Variants in SLC39A11 observed in about 807,000 individuals in gnomAD.
The protein encoded by SLC39A11 is zinc transporter ZIP11.
SLC39A11 carries 33 observed loss-of-function variants against 36.1 expected under a neutral mutation model. The ratio of observed to expected loss-of-function variants is 0.91; its 90% CI spans 0.69 to 1.22. The LOEUF (loss-of-function observed/expected upper bound fraction) is 1.22. Ranked by LOEUF, SLC39A11 falls within the 50% of genes most tolerant of loss-of-function variation. The pLI is 0.00. For synonymous variants in SLC39A11, 166 were observed against 170.3 expected, an observed-to-expected ratio of 0.97 and a Z score of 0.20; for missense variants, 432 against 430.3, an observed-to-expected ratio of 1.00 and a Z score of -0.03.
intron 5 of SLC39A11, among the ~76,000 whole-genome samples, chr17:72,867,755 C>T (rs768233180): frequency 1.6e-4 from 12 of 76,930 alleles, no homozygotes; most frequent in Admixed American, 4.8e-4. Flanking sequence ...GAATGAAGTG[C>T]GCGCGCACAC....
At chr17:72,729,453 A>ATTTTT (rs2074121143) in intron 7 of SLC39A11, among the ~76,000 whole-genome samples, 1 of 6,578 alleles carries the variant, frequency 1.5e-4, no homozygotes, top group Non-Finnish European at 3.0e-4. Context: ...ATATATATAT[A>ATTTTT]TATATTTTTT....
At chr17:72,739,044 C>G (rs998594055) in intron 6 of SLC39A11, among the ~76,000 whole-genome samples, 7 of 152,162 alleles carry the variant, frequency 4.6e-5, no homozygotes, top group African/African-American at 1.7e-4. Flanking sequence ...TTTTTTTTGC[C>G]TAATTTTACC....
rs1330720073 is a variant in SLC39A11, at chr17:72,671,509, T to A, written c.672-22241A>T. Among the ~76,000 whole-genome samples the A allele has an allele frequency of 4.6e-5, 7 of 152,154 alleles. 1 individual carries two copies. The East Asian group carries it at 1.3e-3, about 29-fold the overall frequency. Reference sequence around the variant, plus strand: ...GCCAAGGCAGGTGGATCATCTGAGGTCAGGAGTTCGAGACCAGCCTGGCCA... The same window carrying A: ...GCCAAGGCAGGTGGATCATCTGAGGACAGGAGTTCGAGACCAGCCTGGCCA... On this transcript the variant is annotated intron_variant, in intron 7 of 9. Coordinates refer to ENST00000255559, the MANE Select transcript of SLC39A11 (RefSeq NM_139177.4).
intron 7 of SLC39A11, among the ~76,000 whole-genome samples, chr17:72,682,285 C>G (rs968647725): frequency 1.3e-5 from 2 of 149,510 alleles, no homozygotes; most frequent in East Asian, 2.0e-4. Flanking sequence ...TGAATCATCC[C>G]GAAACCATCC....
intron 5 of SLC39A11, among the ~76,000 whole-genome samples, chr17:72,881,020 T>G (rs2081175823): frequency 1.9e-5 from 1 of 52,984 alleles, no homozygotes; most frequent in African/African-American, 2.6e-4. Flanking sequence ...TAAGTGTTGG[T>G]GAGGATATGG....
chr17:72,700,200 C>T (rs1318854127), intron 7 of SLC39A11, among the ~76,000 whole-genome samples: 1 of 152,218 alleles, frequency 6.6e-6, no homozygotes, highest in African/African-American at 2.4e-5. Context: ...CCGTATTTCA[C>T]ATCCTGTGCT....
chr17:73,003,956 CAT>C (rs2089978493), intron 4 of SLC39A11, among the ~76,000 whole-genome samples: 1 of 151,878 alleles, frequency 6.6e-6, no homozygotes, highest in Non-Finnish European at 1.5e-5. Flanking sequence ...CATGGTGGTG[CAT>C]GCCTGTAATC....
chr17:72,697,789 A>G (rs769022881), intron 7 of SLC39A11, among the ~76,000 whole-genome samples: 3 of 138,678 alleles, frequency 2.2e-5, no homozygotes, highest in Admixed American at 7.5e-5. Flanking sequence ...AAATGCTCCT[A>G]TGTCTGATTT....
At chr17:72,987,258 TAC>T (rs1397205069) in intron 4 of SLC39A11, among the ~76,000 whole-genome samples, 4 of 152,238 alleles carry the variant, frequency 2.6e-5, no homozygotes, top group African/African-American at 9.6e-5. Context: ...ATGCTTCTTA[TAC>T]AGTCTGCAGA....
chr17:73,052,385 T>C (rs2059534849), intron 3 of SLC39A11, among the ~76,000 whole-genome samples: 1 of 151,568 alleles, frequency 6.6e-6, no homozygotes, highest in Non-Finnish European at 1.5e-5. Flanking sequence ...GAAAACACTT[T>C]GCTCTTTTTA....
chr17:72,982,145 C>T (rs2088370540), intron 4 of SLC39A11, among the ~76,000 whole-genome samples: 1 of 151,330 alleles, frequency 6.6e-6, no homozygotes, highest in Non-Finnish European at 1.5e-5. Context: ...TTCCTATTAA[C>T]AAAAAATCAA....
Position 72,964,945 on chromosome 17 carries a change from C to T in SLC39A11, c.307-17070G>A, listed in dbSNP as rs555628870. ...CCATAAAAAAGGATGAGTTCATGTC[C>T]TTTGTACGGACACGGATGAAGCTGG... On this transcript the variant is annotated intron_variant, in intron 4 of 9. Transcript: ENST00000255559. Among the ~76,000 whole-genome samples, 31 of 152,290 alleles carry T rather than the reference C, an allele frequency of 2.0e-4. No homozygotes were observed. In the East Asian group the frequency reaches 3.5e-3, roughly 17 times the overall value.
At chr17:72,923,852 GA>G (rs200379553) in intron 5 of SLC39A11, among the ~76,000 whole-genome samples, 6 of 151,772 alleles carry the variant, frequency 4.0e-5, no homozygotes, top group African/African-American at 7.2e-5. Flanking sequence ...TATAAATAAA[GA>G]AAAAAAATGG....
chr17:72,684,284 C>G (rs2071639852), intron 7 of SLC39A11, among the ~76,000 whole-genome samples: 1 of 152,170 alleles, frequency 6.6e-6, no homozygotes, highest in African/African-American at 2.4e-5. Context: ...CTAGTAAAGT[C>G]AATGGTACAA....
At chr17:73,031,416 TA>T in intron 4 of SLC39A11, 139 bp downstream of exon 4, 1 of 883,672 alleles carries the variant, frequency 1.1e-6, no homozygotes, top group Non-Finnish European at 1.7e-6. Flanking sequence ...TCAGTTCCTC[TA>T]ATGCCTTGTT....
At chr17:72,885,310 G>C (rs916302059) in intron 5 of SLC39A11, among the ~76,000 whole-genome samples, 3 of 133,762 alleles carry the variant, frequency 2.2e-5, no homozygotes, top group Admixed American at 7.5e-5. Context: ...TGCAAATCAA[G>C]CATTGGTTCT....
At chr17:72,912,858 C>T (rs2083100095) in intron 5 of SLC39A11, among the ~76,000 whole-genome samples, 1 of 152,200 alleles carries the variant, frequency 6.6e-6, no homozygotes, top group Admixed American at 6.5e-5. Flanking sequence ...GCTGCGCCCC[C>T]TTCTTTGACC....
rs77679112 is a variant in SLC39A11, at chr17:72,845,254, C to T, written c.601+4380G>A. ...TCATCACACACAGAGCAAAAACAAA[C>T]ATTCTTATGCCTCCAAGTTCCATCT... is the stretch of plus-strand genomic sequence containing the variant. On this transcript the variant is annotated intron_variant, in intron 6 of 9. Transcript: ENST00000255559. Among the ~76,000 whole-genome samples, 1,143 of 152,342 alleles carry T rather than the reference C, an allele frequency of 7.5e-3. 10 individuals carry two copies. Among genetic ancestry groups the T allele is most frequent in the African/African-American group, 0.026 (1,081 of 41,574 alleles).
At chr17:72,662,776 AAAGG>A (rs773437588) in intron 7 of SLC39A11, among the ~76,000 whole-genome samples, 122 of 151,370 alleles carry the variant, frequency 8.1e-4, no homozygotes, top group Non-Finnish European at 1.4e-3. Flanking sequence ...AAAAGAAAAG[AAAGG>A]AAGGAAGGAA....
Sources: gnomAD v4.1 joint callset for allele counts (sites outside exome capture counted in the v4.1 genomes callset) on GRCh38, gnomAD v4.1.1 for gene constraint, MANE v1.5 for transcripts, NCBI Gene and HGNC (gene_info 2026-07-23, HGNC 2026-07-21) for gene names.